The following TACR3 variants were observed in gnomAD, a reference collection of about 807,000 sequenced individuals.
TACR3 encodes the protein neuromedin-K receptor.
In TACR3, 34 loss-of-function variants were observed where a neutral mutation model predicts 35.0. The observed-to-expected ratio is 0.97, with a 90% confidence interval of 0.74 to 1.30. The LOEUF is 1.30. Among genes scored for constraint, TACR3 ranks in the 50% most tolerant of loss-of-function variants. The pLI is 0.00. For synonymous variants in TACR3, 233 were observed against 221.1 expected, an observed-to-expected ratio of 1.05 and a Z score of -0.48; for missense variants, 558 against 591.7, an observed-to-expected ratio of 0.94 and a Z score of 0.59.
chr4:103,626,021 C>T (rs2110307203), intron 3 of TACR3, among the ~76,000 whole-genome samples: 1 of 152,294 alleles, frequency 6.6e-6, no homozygotes, highest in East Asian at 1.9e-4. Context: ...ACCCAGCCTA[C>T]ATTTTGATCT....
chr4:103,672,058 A>G (rs986113048), intron 1 of TACR3, among the ~76,000 whole-genome samples: 2 of 152,160 alleles, frequency 1.3e-5, no homozygotes, highest in Non-Finnish European at 2.9e-5. Flanking sequence ...AGTAGATTCA[A>G]TTTAAATAAA....
At chr4:103,689,733 G>C (rs1353113095) in intron 1 of TACR3, among the ~76,000 whole-genome samples, 1 of 151,978 alleles carries the variant, frequency 6.6e-6, no homozygotes, top group African/African-American at 2.4e-5. Context: ...TATGCATGAT[G>C]GGAGTCCCAG....
chr4:103,604,696 A>C lies in TACR3; in HGVS notation c.889-13013T>G, dbSNP rs1010352083. On this transcript the variant is annotated intron_variant, in intron 3 of 4. Transcript: ENST00000304883. The stretch of plus-strand genomic sequence containing the variant: ...AAGAATTTAAACAAATTTACAAGAA[A>C]AAAAACACCACCATCAAAAAGTGGG... Among the ~76,000 whole-genome samples the C allele has an allele frequency of 3.3e-5, 5 of 152,306 alleles. No individual in the cohort carries two copies. In the East Asian group the frequency reaches 9.6e-4, roughly 29 times the overall value.
rs1725770085 is a variant in TACR3, at chr4:103,658,221, T to C, written c.731A>G (p.His244Arg). The change falls in exon 2 of 5, where the codon CAT (histidine) becomes CGT (arginine). Residue 244 changes from histidine to arginine, a missense_variant. By Grantham distance (29) the His-to-Arg change is conservative. Transcript: ENST00000304883. ...TAATAGAGAATTAACTTACGTGAAA[T>C]GTTGTTTGGGACCTTCTGGCCATTG... ...FVQWPEGPKQHFTYHIIVIIL... is the reference protein window; with the variant it reads ...FVQWPEGPKQRFTYHIIVIIL... 1 of 1,613,774 alleles carries C rather than the reference T, an allele frequency of 6.2e-7. No homozygotes were observed. Among genetic ancestry groups the C allele is most frequent in the African/African-American group, 1.3e-5 (1 of 74,906 alleles).
chr4:103,608,032 T>A (rs1724423702), intron 3 of TACR3, among the ~76,000 whole-genome samples: 1 of 152,042 alleles, frequency 6.6e-6, no homozygotes, highest in Non-Finnish European at 1.5e-5. Flanking sequence ...ATGGAAAGGT[T>A]TAAAGTGTGA....
At chr4:103,697,766 T>C (rs1402592123) in intron 1 of TACR3, among the ~76,000 whole-genome samples, 1 of 152,164 alleles carries the variant, frequency 6.6e-6, no homozygotes, top group East Asian at 1.9e-4. Flanking sequence ...CTCAAATTTG[T>C]GTGCAGTGAG....
chr4:103,613,444 C>T (rs372967644), intron 3 of TACR3, among the ~76,000 whole-genome samples: 5 of 151,918 alleles, frequency 3.3e-5, no homozygotes, highest in African/African-American at 7.3e-5. Flanking sequence ...CTCAACTTCC[C>T]GAGTAGCTGG....
intron 3 of TACR3, among the ~76,000 whole-genome samples, chr4:103,593,133 GATTTA>G (rs1723929595): frequency 6.6e-6 from 1 of 152,060 alleles, no homozygotes; most frequent in Non-Finnish European, 1.5e-5. Flanking sequence ...AAAAACAAAT[GATTTA>G]ATTTACATTT....
chr4:103,593,905 G>C lies in TACR3; in HGVS notation c.889-2222C>G, dbSNP rs543632801. 4.4e-4 allele frequency among the ~76,000 whole-genome samples: 67 copies of C among 152,160 alleles called. 1 individual carries two copies. In the South Asian group the frequency reaches 0.012, roughly 28 times the overall value. On this transcript the variant is annotated intron_variant, in intron 3 of 4. Transcript: ENST00000304883. ...ACAAAAGAGCAAGGATTTTCTGTTT[G>C]TTTTGTTCATTTGTATATTTCGGGC...
In TACR3 at chr4:103,663,127, A is replaced by T. The variant is rs146302759; in HGVS notation, c.549-4724T>A. Reference sequence around the variant, plus strand: ...GGAAAGTAATTGAGGCAATTTTATCAGAGAAGTAGAATAATCAGATTTCCT... The same window carrying T: ...GGAAAGTAATTGAGGCAATTTTATCTGAGAAGTAGAATAATCAGATTTCCT... On this transcript the variant is annotated intron_variant, in intron 1 of 4. Coordinates refer to ENST00000304883, the MANE Select transcript of TACR3 (RefSeq NM_001059.3). Among the ~76,000 whole-genome samples the T allele has an allele frequency of 7.7e-4, 117 of 152,306 alleles. 3 individuals are homozygous for T. In the East Asian group the frequency reaches 0.022, roughly 28 times the overall value.
intron 3 of TACR3, among the ~76,000 whole-genome samples, chr4:103,651,623 C>T (rs554187648): frequency 8.6e-5 from 13 of 151,448 alleles, no homozygotes; most frequent in Non-Finnish European, 1.8e-4. Flanking sequence ...GATAAAGTCC[C>T]CTTTACTTTT....
At chr4:103,603,990 T>A (rs1253125560) in intron 3 of TACR3, among the ~76,000 whole-genome samples, 1 of 152,180 alleles carries the variant, frequency 6.6e-6, no homozygotes, top group East Asian at 1.9e-4. Context: ...GATTCAATGC[T>A]ATCCCCATCA....
At chr4:103,616,558 G>A (rs1241986821) in intron 3 of TACR3, among the ~76,000 whole-genome samples, 2 of 152,100 alleles carry the variant, frequency 1.3e-5, no homozygotes, top group African/African-American at 4.8e-5. Context: ...AATTTTCCCA[G>A]GTGTATGCTT....
chr4:103,702,651 C>T (rs1722682823), intron 1 of TACR3, among the ~76,000 whole-genome samples: 1 of 151,966 alleles, frequency 6.6e-6, no homozygotes, highest in African/African-American at 2.4e-5. Flanking sequence ...GGAACCAACC[C>T]AAATGTCAAA....
At chr4:103,638,358 C>G (rs926077628) in intron 3 of TACR3, among the ~76,000 whole-genome samples, 116 of 151,436 alleles carry the variant, frequency 7.7e-4, no homozygotes, top group Middle Eastern at 3.4e-3. Flanking sequence ...CCTATTTAAT[C>G]AATGGTGCTG....
At chr4:103,604,701 AC>A (rs1305701042) in intron 3 of TACR3, among the ~76,000 whole-genome samples, 2 of 152,148 alleles carry the variant, frequency 1.3e-5, no homozygotes, top group Non-Finnish European at 2.9e-5. Flanking sequence ...AAGAAAAAAA[AC>A]ACCACCATCA....
At chr4:103,630,702 G>T (rs567393530) in intron 3 of TACR3, among the ~76,000 whole-genome samples, 6 of 152,160 alleles carry the variant, frequency 3.9e-5, no homozygotes, top group African/African-American at 1.2e-4. Flanking sequence ...AGGAGATGTG[G>T]AGAAATGGGA....
intron 1 of TACR3, among the ~76,000 whole-genome samples, chr4:103,682,693 G>A (rs1157635553): frequency 6.6e-6 from 1 of 152,098 alleles, no homozygotes. Context: ...ATATCTGACA[G>A]TTTCTGAGTC....
chr4:103,653,772 G>A (rs1418993749), intron 3 of TACR3, among the ~76,000 whole-genome samples: 1 of 151,886 alleles, frequency 6.6e-6, no homozygotes, highest in African/African-American at 2.4e-5. Context: ...CCCACAAAAT[G>A]GGAGAAAATT....
Sources: allele counts gnomAD v4.1 joint callset (sites outside exome capture counted in the v4.1 genomes callset), GRCh38; gene constraint gnomAD v4.1.1; transcripts MANE v1.5; gene names NCBI Gene and HGNC (gene_info 2026-07-23, HGNC 2026-07-21).